Variants in CEP112 observed in about 807,000 individuals in gnomAD.
CEP112 encodes centrosomal protein 112.
CEP112 carries 127 observed loss-of-function variants against 153.0 expected under a neutral mutation model. That is an observed-to-expected ratio of 0.83 (90% CI 0.72 to 0.96). The LOEUF (loss-of-function observed/expected upper bound fraction) is 0.96, where lower values mean the gene tolerates loss of function less well. Ranked by LOEUF, CEP112 falls within the 40% of genes least tolerant of loss-of-function variation. CEP112 has a pLI of 0.00. For synonymous variants in CEP112, 358 were observed against 374.4 expected (o/e 0.96, Z 0.51); for missense variants, 1,089 against 1,101.2 (o/e 0.99, Z 0.16).
intron 24 of CEP112, among the ~76,000 whole-genome samples, chr17:65,679,118 T>C (rs1489857475): frequency 7.2e-6 from 1 of 138,110 alleles, no homozygotes; most frequent in Non-Finnish European, 1.5e-5. Flanking sequence ...TCCTTGACAC[T>C]GTGGTTCAAG....
intron 5 of CEP112, among the ~76,000 whole-genome samples, chr17:66,131,310 C>A (rs1396376759): frequency 1.3e-5 from 2 of 152,102 alleles, no homozygotes; most frequent in Admixed American, 1.3e-4. Flanking sequence ...GACAATGTAC[C>A]TGCCTTGCTT....
intron 20 of CEP112, among the ~76,000 whole-genome samples, chr17:65,869,660 A>G (rs1398584251): frequency 6.6e-6 from 1 of 150,548 alleles, no homozygotes; most frequent in East Asian, 2.0e-4. Flanking sequence ...GCTCACTGCA[A>G]GCTACGCCTC....
chr17:66,077,543 C>T (rs2067548796), intron 8 of CEP112, among the ~76,000 whole-genome samples: 1 of 152,140 alleles, frequency 6.6e-6, no homozygotes, highest in South Asian at 2.1e-4. Flanking sequence ...TGAACAAAGG[C>T]TCCAAGAAGC....
At chr17:65,695,733 G>A (rs117544084) in intron 23 of CEP112, among the ~76,000 whole-genome samples, 2,188 of 152,224 alleles carry the variant, frequency 0.014, 36 homozygotes, top group Middle Eastern at 0.041. Flanking sequence ...ACAGAGAGAG[G>A]CTTTCAGATG....
At chr17:65,668,537 C>T (rs1413951362) in intron 24 of CEP112, among the ~76,000 whole-genome samples, 2 of 152,118 alleles carry the variant, frequency 1.3e-5, no homozygotes, top group South Asian at 2.1e-4. Context: ...TTCATAACCG[C>T]GAGGGCAGAG....
chr17:66,027,223 A>G (rs34211798), intron 16 of CEP112, among the ~76,000 whole-genome samples: 78,187 of 151,946 alleles, frequency 0.51, 21,045 homozygotes, highest in African/African-American at 0.59. Flanking sequence ...CTAAAAATGC[A>G]AAAATTGGCT....
intron 23 of CEP112, among the ~76,000 whole-genome samples, chr17:65,696,441 T>G (rs1168474325): frequency 6.6e-6 from 1 of 152,116 alleles, no homozygotes; most frequent in Non-Finnish European, 1.5e-5. Flanking sequence ...TAAACTGGAT[T>G]GAATCATATG....
chr17:66,029,864 A>C lies in CEP112; in HGVS notation c.1373+5T>G. On this transcript the variant is annotated splice_donor_5th_base_variant and intron_variant, in intron 13 of 26. Transcript: ENST00000535342. Reference sequence around the variant, plus strand: ...ACCTGATAAATATCTGATTTCAGACAATACCTTGCCTTTACTTCTTGTAAT... The same window carrying C: ...ACCTGATAAATATCTGATTTCAGACCATACCTTGCCTTTACTTCTTGTAAT... The C allele has an allele frequency of 6.2e-7, 1 of 1,611,816 alleles. No individual in the cohort carries two copies. Among genetic ancestry groups the C allele is most frequent in the Non-Finnish European group, 8.5e-7 (1 of 1,178,480 alleles).
chr17:65,967,221 G>GA (rs1005884922), intron 17 of CEP112, among the ~76,000 whole-genome samples: 3 of 152,168 alleles, frequency 2.0e-5, no homozygotes, highest in Admixed American at 6.6e-5. Flanking sequence ...CCTGTTGGTT[G>GA]AAGCATGTTA....
At chr17:65,915,856 C>T (rs1249046494) in intron 19 of CEP112, among the ~76,000 whole-genome samples, 1 of 149,160 alleles carries the variant, frequency 6.7e-6, no homozygotes, top group Non-Finnish European at 1.5e-5. Flanking sequence ...GGCTTCTCAA[C>T]ACACTCAGAA....
At position 66,081,157 on chromosome 17, in the gene CEP112, A is replaced by G. The variant is rs2067701965; in HGVS notation, c.769-11156T>C. 3.3e-5 allele frequency among the ~76,000 whole-genome samples: 5 copies of G among 152,332 alleles called. No homozygotes were observed. In the South Asian group the frequency reaches 1.0e-3, roughly 32 times the overall value. On this transcript the variant is annotated intron_variant, in intron 8 of 26. Coordinates refer to ENST00000535342, the MANE Select transcript of CEP112 (RefSeq NM_001199165.4). ...GCACATGTATCCCAGAACTTAAAGT[A>G]TAATAAAAGAAAAAGTAAAATAAAA...
intron 19 of CEP112, among the ~76,000 whole-genome samples, chr17:65,919,030 C>T (rs2060602171): frequency 1.3e-5 from 2 of 152,130 alleles, no homozygotes; most frequent in African/African-American, 4.8e-5. Flanking sequence ...GAGGATTAGA[C>T]CGGATAAGTG....
chr17:65,951,132 G>A (rs938649023), intron 18 of CEP112, among the ~76,000 whole-genome samples: 7 of 151,966 alleles, frequency 4.6e-5, no homozygotes, highest in Non-Finnish European at 7.4e-5. Context: ...GCTAGATTCC[G>A]TTTTCCAAAA....
intron 21 of CEP112, among the ~76,000 whole-genome samples, chr17:65,836,806 TCCCTCTCCCCATCCCCTTCC>T (rs930210919): frequency 2.0e-5 from 3 of 151,948 alleles, no homozygotes; most frequent in Non-Finnish European, 4.4e-5. Flanking sequence ...GCTCTCCCTC[TCCCTCTCCCCATCCCCTTCC>T]CCCTCCCCCT....
intron 21 of CEP112, among the ~76,000 whole-genome samples, chr17:65,793,167 C>A (rs1421212954): frequency 6.6e-6 from 1 of 152,130 alleles, no homozygotes; most frequent in African/African-American, 2.4e-5. Context: ...GAAGATAGCT[C>A]ATTTCTTTTT....
intron 4 of CEP112, among the ~76,000 whole-genome samples, chr17:66,173,549 T>C (rs1326505954): frequency 6.6e-6 from 1 of 152,216 alleles, no homozygotes; most frequent in African/African-American, 2.4e-5. Flanking sequence ...AACTCCACAT[T>C]CATTACATCT....
chr17:66,074,713 A>C (rs1279816275), intron 8 of CEP112, among the ~76,000 whole-genome samples: 1 of 151,932 alleles, frequency 6.6e-6, no homozygotes, highest in African/African-American at 2.4e-5. Context: ...AAATACAAAA[A>C]TTAGCTGGGC....
chr17:65,719,434 T>C (rs6504338), intron 23 of CEP112, among the ~76,000 whole-genome samples: 30,538 of 151,980 alleles, frequency 0.2, 3,914 homozygotes, highest in Middle Eastern at 0.38. Flanking sequence ...ATACAAAAAT[T>C]AGCCCGGCGT....
chr17:65,758,796 A>G (rs1374984157), intron 21 of CEP112, among the ~76,000 whole-genome samples: 1 of 152,230 alleles, frequency 6.6e-6, no homozygotes, highest in Non-Finnish European at 1.5e-5. Flanking sequence ...TAAAGCTCAG[A>G]TAATTATGCA....
Sources: gnomAD v4.1 joint callset for allele counts (sites outside exome capture counted in the v4.1 genomes callset) on GRCh38, gnomAD v4.1.1 for gene constraint, MANE v1.5 for transcripts, NCBI Gene and HGNC (gene_info 2026-07-23, HGNC 2026-07-21) for gene names.